EHBP1: variants seen among roughly 807,000 people sequenced by gnomAD.
The protein encoded by EHBP1 is EH domain-binding protein 1.
In EHBP1, 55 loss-of-function variants were observed where a neutral mutation model predicts 144.0. That is an observed-to-expected ratio of 0.38 (90% CI 0.31 to 0.48). The LOEUF is 0.48. Ranked by LOEUF, EHBP1 falls within the 20% of genes least tolerant of loss-of-function variation. The pLI is 0.98. For missense variants in EHBP1, 1,200 were observed against 1,364.2 expected, an observed-to-expected ratio of 0.88 and a Z score of 1.90; for synonymous variants, 469 against 472.7, an observed-to-expected ratio of 0.99 and a Z score of 0.10.
chr2:62,829,336 G>A (rs936657424), intron 6 of EHBP1, among the ~76,000 whole-genome samples: 10 of 151,888 alleles, frequency 6.6e-5, no homozygotes, highest in South Asian at 2.1e-4. Context: ...TACTCAATGT[G>A]TAGTCTTTTA....
chr2:62,947,513 C>T (rs1018941531), intron 12 of EHBP1, among the ~76,000 whole-genome samples: 2 of 152,138 alleles, frequency 1.3e-5, no homozygotes, highest in Non-Finnish European at 2.9e-5. Context: ...AACCTTTAGC[C>T]ATACTTTTAA....
At chr2:62,972,628 G>T (rs1274731844) in intron 14 of EHBP1, among the ~76,000 whole-genome samples, 1 of 152,092 alleles carries the variant, frequency 6.6e-6, no homozygotes, top group Non-Finnish European at 1.5e-5. Context: ...CTTAAGGGAA[G>T]TTAAAGGGTG....
chr2:62,807,213 T>G (rs2044589384), intron 5 of EHBP1, among the ~76,000 whole-genome samples: 1 of 152,168 alleles, frequency 6.6e-6, no homozygotes, highest in African/African-American at 2.4e-5. Context: ...GTGTTGCAAT[T>G]ACTACTTTAC....
intron 18 of EHBP1, among the ~76,000 whole-genome samples, chr2:62,995,426 A>G (rs1317861124): frequency 6.6e-6 from 1 of 152,136 alleles, no homozygotes; most frequent in African/African-American, 2.4e-5. Flanking sequence ...TGTAAGTTAC[A>G]CATATAGTTA....
At chr2:62,719,878 C>T (rs2036052055) in intron 2 of EHBP1, among the ~76,000 whole-genome samples, 2 of 152,172 alleles carry the variant, frequency 1.3e-5, no homozygotes, top group Non-Finnish European at 2.9e-5. Context: ...GGAACCAATC[C>T]TCCACTGATA....
At chr2:62,764,839 T>C (rs1283260543) in intron 4 of EHBP1, among the ~76,000 whole-genome samples, 1 of 152,124 alleles carries the variant, frequency 6.6e-6, no homozygotes, top group African/African-American at 2.4e-5. Flanking sequence ...AAAGGCAAAA[T>C]GCTGGTTGTA....
chr2:62,895,737 G>C (rs1450065332), intron 10 of EHBP1, among the ~76,000 whole-genome samples: 3 of 152,170 alleles, frequency 2.0e-5, no homozygotes, highest in African/African-American at 7.2e-5. Context: ...ATGAGGTTCT[G>C]AGCCATTGAG....
chr2:62,947,904 CTG>C (rs1409233754), intron 12 of EHBP1, among the ~76,000 whole-genome samples: 1 of 152,056 alleles, frequency 6.6e-6, no homozygotes, highest in Non-Finnish European at 1.5e-5. Context: ...AATTACATGA[CTG>C]TGGAAAAGAG....
In EHBP1 at chr2:62,993,524, G is replaced by T. The variant is rs188275816; in HGVS notation, c.2734-6G>T. 1 of 1,570,330 alleles carries T rather than the reference G, an allele frequency of 6.4e-7. No homozygotes were observed. Among genetic ancestry groups the T allele is most frequent in the African/African-American group, 1.4e-5 (1 of 73,888 alleles). The stretch of plus-strand genomic sequence containing the variant: ...ACTCTCTTACCATGTGTTGTTTTAC[G>T]TTTAGAGTGGCACAGAAGATCTCCG... On this transcript the variant is annotated splice_region_variant and splice_polypyrimidine_tract_variant and intron_variant, in intron 16 of 22. Transcript: ENST00000431489.
intron 19 of EHBP1, among the ~76,000 whole-genome samples, chr2:63,025,457 A>C (rs573215953): frequency 6.6e-6 from 1 of 152,306 alleles, no homozygotes; most frequent in African/African-American, 2.4e-5. Flanking sequence ...GTAGAGACAA[A>C]GCCTTGCTAT....
intron 10 of EHBP1, among the ~76,000 whole-genome samples, chr2:62,895,224 T>C (rs1190987441): frequency 6.6e-6 from 1 of 152,174 alleles, no homozygotes; most frequent in Non-Finnish European, 1.5e-5. Context: ...TATGCATTTG[T>C]CAAAACTTGC....
chr2:62,950,364 A>C (rs1019252944), intron 13 of EHBP1, among the ~76,000 whole-genome samples: 2 of 152,134 alleles, frequency 1.3e-5, no homozygotes, highest in African/African-American at 4.8e-5. Flanking sequence ...GTGATATCTC[A>C]ACAGATTGAA....
intron 1 of EHBP1, among the ~76,000 whole-genome samples, chr2:62,693,688 C>G (rs1318408858): frequency 6.6e-6 from 1 of 152,156 alleles, no homozygotes; most frequent in African/African-American, 2.4e-5. Context: ...ACTATAGTCA[C>G]CCTACTGTGC....
At chr2:62,904,002 T>G (rs866099555) in intron 10 of EHBP1, among the ~76,000 whole-genome samples, 2 of 152,232 alleles carry the variant, frequency 1.3e-5, no homozygotes, top group Admixed American at 6.5e-5. Flanking sequence ...TACTTACCTT[T>G]CTATGTTTTG....
intron 4 of EHBP1, 98 bp downstream of exon 4, chr2:62,764,459 G>C: frequency 1.2e-6 from 1 of 834,310 alleles, no homozygotes; most frequent in Non-Finnish European, 1.8e-6. Flanking sequence ...TTTGTGTCCA[G>C]TCTGGTACCT....
chr2:62,727,024 GAC>G (rs2036873118), intron 2 of EHBP1, among the ~76,000 whole-genome samples: 5 of 152,158 alleles, frequency 3.3e-5, no homozygotes, highest in Middle Eastern at 3.4e-3. Flanking sequence ...CACCACGCCC[GAC>G]TAATTTTTGT....
intron 10 of EHBP1, among the ~76,000 whole-genome samples, chr2:62,925,150 A>C (rs1193222139): frequency 6.6e-6 from 1 of 152,192 alleles, no homozygotes. Flanking sequence ...CTTTTGATAA[A>C]ATTTGACATT....
intron 2 of EHBP1, among the ~76,000 whole-genome samples, chr2:62,745,834 T>C (rs1424070627): frequency 6.6e-6 from 1 of 151,778 alleles, no homozygotes; most frequent in Non-Finnish European, 1.5e-5. Flanking sequence ...TTTAAAAGAG[T>C]TTAAGTTTAA....
At chr2:62,932,938 T>C (rs934493832) in intron 10 of EHBP1, among the ~76,000 whole-genome samples, 5 of 133,294 alleles carry the variant, frequency 3.8e-5, no homozygotes, top group African/African-American at 1.4e-4. Flanking sequence ...GGTGACAGAG[T>C]GAGACTCCAT....
Sources: allele counts gnomAD v4.1 joint callset (sites outside exome capture counted in the v4.1 genomes callset), GRCh38; gene constraint gnomAD v4.1.1; transcripts MANE v1.5; gene names NCBI Gene and HGNC (gene_info 2026-07-23, HGNC 2026-07-21).